RANBP17: variants seen among roughly 807,000 people sequenced by gnomAD.
The protein encoded by RANBP17 is RAN binding protein 17, also known as ran-binding protein 17.
RANBP17 carries 158 observed loss-of-function variants against 141.2 expected under a neutral mutation model. The ratio of observed to expected loss-of-function variants is 1.12; its 90% CI spans 0.98 to 1.28. The LOEUF (loss-of-function observed/expected upper bound fraction) is 1.28. Ranked by LOEUF, RANBP17 falls within the 50% of genes most tolerant of loss-of-function variation. RANBP17 has a pLI of 0.00. For synonymous variants in RANBP17, 430 were observed against 450.0 expected, an observed-to-expected ratio of 0.96 and a Z score of 0.56; for missense variants, 1,438 against 1,290.7, an observed-to-expected ratio of 1.11 and a Z score of -1.75.
intron 22 of RANBP17, among the ~76,000 whole-genome samples, chr5:171,233,428 C>T (rs1005035645): frequency 8.6e-5 from 13 of 152,044 alleles, no homozygotes; most frequent in Admixed American, 2.0e-4. Context: ...CGAAAACTTA[C>T]GGTCACACAA....
chr5:170,974,779 G>C (rs1190413584), intron 14 of RANBP17, among the ~76,000 whole-genome samples: 2 of 152,144 alleles, frequency 1.3e-5, no homozygotes, highest in African/African-American at 4.8e-5. Context: ...CCCTCTGAAG[G>C]GGTAATCACT....
intron 12 of RANBP17, among the ~76,000 whole-genome samples, chr5:170,927,765 T>C (rs1773045157): frequency 1.3e-5 from 2 of 152,132 alleles, no homozygotes; most frequent in South Asian, 4.1e-4. Context: ...AGTTTATCCA[T>C]TCACCAGCTG....
intron 14 of RANBP17, among the ~76,000 whole-genome samples, chr5:171,034,972 C>T (rs953643000): frequency 6.6e-6 from 1 of 151,872 alleles, no homozygotes; most frequent in African/African-American, 2.4e-5. Flanking sequence ...TAGGCATGAG[C>T]CACCACAGGT....
At chr5:171,229,514 C>A (rs573654036) in intron 22 of RANBP17, among the ~76,000 whole-genome samples, 1 of 152,032 alleles carries the variant, frequency 6.6e-6, no homozygotes, top group East Asian at 2.0e-4. Flanking sequence ...CCTGCCTCAG[C>A]CTCCCGAGTA....
At chr5:171,263,754 C>T (rs959131663) in intron 24 of RANBP17, among the ~76,000 whole-genome samples, 4 of 152,122 alleles carry the variant, frequency 2.6e-5, no homozygotes, top group African/African-American at 7.2e-5. Flanking sequence ...GTTTTGAGTG[C>T]CCATTGTGAT....
At chr5:171,102,298 T>C (rs1008013929) in intron 14 of RANBP17, among the ~76,000 whole-genome samples, 4 of 152,110 alleles carry the variant, frequency 2.6e-5, no homozygotes, top group African/African-American at 9.7e-5. Context: ...TTCTTTTTCA[T>C]TCTGTTTTCT....
chr5:170,920,621 CTTTT>C (rs1772369691), intron 11 of RANBP17, among the ~76,000 whole-genome samples: 1 of 149,022 alleles, frequency 6.7e-6, no homozygotes, highest in South Asian at 2.1e-4. Context: ...CATTTTCTTT[CTTTT>C]TATTATACTT....
chr5:171,183,097 C>G (rs539277756), intron 16 of RANBP17, 70 bp from the exon 17 acceptor site: 1 of 820,876 alleles, frequency 1.2e-6, no homozygotes, highest in African/African-American at 1.7e-5. Flanking sequence ...CTACAGTTCA[C>G]TGTTACTTTG....
chr5:170,947,558 C>CATT (rs1205628652), intron 12 of RANBP17, among the ~76,000 whole-genome samples: 10 of 152,044 alleles, frequency 6.6e-5, no homozygotes, highest in Non-Finnish European at 1.5e-4. Flanking sequence ...GTAACAATTG[C>CATT]ATTATTATCT....
At chr5:171,011,292 T>C (rs1483489749) in intron 14 of RANBP17, among the ~76,000 whole-genome samples, 1 of 152,114 alleles carries the variant, frequency 6.6e-6, no homozygotes, top group Non-Finnish European at 1.5e-5. Flanking sequence ...AATATTGATG[T>C]TATTATCCAA....
At chr5:171,060,980 T>C (rs1241812323) in intron 14 of RANBP17, among the ~76,000 whole-genome samples, 2 of 150,362 alleles carry the variant, frequency 1.3e-5, no homozygotes, top group Non-Finnish European at 3.0e-5. Context: ...TGATGGTAGT[T>C]TGTATTTCTG....
At chr5:171,263,214 A>G (rs756323114) in intron 24 of RANBP17, among the ~76,000 whole-genome samples, 1 of 151,944 alleles carries the variant, frequency 6.6e-6, no homozygotes, top group Admixed American at 6.5e-5. Flanking sequence ...GGAAGTTTAT[A>G]ATCTGCTTCC....
At chr5:171,238,106 A>G (rs753155007) in intron 22 of RANBP17, among the ~76,000 whole-genome samples, 4 of 152,158 alleles carry the variant, frequency 2.6e-5, no homozygotes, top group Non-Finnish European at 2.9e-5. Context: ...GTAGTTTCCT[A>G]TTTCAGAAGT....
chr5:171,103,933 C>T (rs1787364628), intron 14 of RANBP17, among the ~76,000 whole-genome samples: 1 of 152,204 alleles, frequency 6.6e-6, no homozygotes, highest in Admixed American at 6.5e-5. Flanking sequence ...TGGACTGTAC[C>T]CACTGTCTAA....
chr5:171,222,651 G>A (rs949954391), intron 22 of RANBP17, among the ~76,000 whole-genome samples: 6 of 151,778 alleles, frequency 4.0e-5, no homozygotes, highest in African/African-American at 1.5e-4. Context: ...TTTTGAGACG[G>A]AGTCTCACTC....
intron 14 of RANBP17, among the ~76,000 whole-genome samples, chr5:171,025,134 T>G (rs1781144589): frequency 6.6e-6 from 1 of 152,222 alleles, no homozygotes; most frequent in Non-Finnish European, 1.5e-5. Context: ...TAGTTCTTTC[T>G]GTGCTTCTAT....
chr5:170,898,702 T>G (rs1188695359), intron 5 of RANBP17, among the ~76,000 whole-genome samples: 1 of 152,156 alleles, frequency 6.6e-6, no homozygotes, highest in Non-Finnish European at 1.5e-5. Context: ...TTGTATAAGG[T>G]GTCAGGTAGG....
At chr5:171,167,568 T>C (rs1301902346) in intron 14 of RANBP17, among the ~76,000 whole-genome samples, 1 of 152,204 alleles carries the variant, frequency 6.6e-6, no homozygotes, top group Admixed American at 6.5e-5. Context: ...TAAATGATCC[T>C]GTGTACCATC....
At chr5:171,111,540 G>A (rs1194490220) in intron 14 of RANBP17, among the ~76,000 whole-genome samples, 1 of 152,072 alleles carries the variant, frequency 6.6e-6, no homozygotes, top group Non-Finnish European at 1.5e-5. Context: ...TCTCTGAAGT[G>A]TCAGTCTTTC....
Sources: allele counts gnomAD v4.1 joint callset (sites outside exome capture counted in the v4.1 genomes callset), GRCh38; gene constraint gnomAD v4.1.1; transcripts MANE v1.5; gene names NCBI Gene and HGNC (gene_info 2026-07-23, HGNC 2026-07-21).